PCDH7: variants seen among roughly 807,000 people sequenced by gnomAD.
The protein encoded by PCDH7 is protocadherin-7.
A neutral mutation model predicts 58.9 loss-of-function variants in PCDH7; 17 were observed. The ratio of observed to expected loss-of-function variants is 0.29; its 90% confidence interval spans 0.20 to 0.43. The LOEUF (loss-of-function observed/expected upper bound fraction) is 0.43. PCDH7 is among the 20% of genes least tolerant of loss of function. The probability of loss-of-function intolerance (pLI) is 1.00; values close to 1 mark genes in which losing one functional copy is unlikely to be tolerated. For synonymous variants in PCDH7, 664 were observed against 616.4 expected, an observed-to-expected ratio of 1.08 and a Z score of -1.14; for missense variants, 1,274 against 1,441.0, an observed-to-expected ratio of 0.88 and a Z score of 1.88.
intron 1 of PCDH7, among the ~76,000 whole-genome samples, chr4:30,785,367 A>G (rs113001181): frequency 1.8e-4 from 28 of 152,110 alleles, no homozygotes; most frequent in African/African-American, 6.0e-4. Context: ...ACTTTCTGAA[A>G]CTTACAATTT....
At chr4:30,877,746 T>C (rs1300763795) in intron 1 of PCDH7, among the ~76,000 whole-genome samples, 2 of 152,202 alleles carry the variant, frequency 1.3e-5, no homozygotes, top group Non-Finnish European at 2.9e-5. Flanking sequence ...ATTTCATACA[T>C]ATAGCTTTAG....
intron 1 of PCDH7, among the ~76,000 whole-genome samples, chr4:30,849,149 A>G (rs1732376895): frequency 6.6e-6 from 1 of 152,092 alleles, no homozygotes; most frequent in Non-Finnish European, 1.5e-5. Flanking sequence ...GTCAGTATGG[A>G]AAACTGCCAT....
intron 3 of PCDH7, among the ~76,000 whole-genome samples, chr4:31,142,221 T>G (rs934969222): frequency 6.6e-6 from 1 of 151,958 alleles, no homozygotes; most frequent in African/African-American, 2.4e-5. Flanking sequence ...CATATATCTG[T>G]TTCATCTACA....
intron 2 of PCDH7, among the ~76,000 whole-genome samples, chr4:30,947,510 T>C (rs1252474903): frequency 6.6e-6 from 1 of 152,178 alleles, no homozygotes; most frequent in Non-Finnish European, 1.5e-5. Context: ...ATACATCAAA[T>C]GTATATTTCC....
chr4:31,093,849 A>C (rs1334880707), intron 3 of PCDH7, among the ~76,000 whole-genome samples: 1 of 152,098 alleles, frequency 6.6e-6, no homozygotes, highest in Non-Finnish European at 1.5e-5. Flanking sequence ...GCCTACTGTA[A>C]ATAAAATAAA....
chr4:30,899,686 TA>T (rs1306514724), intron 1 of PCDH7, among the ~76,000 whole-genome samples: 1 of 152,190 alleles, frequency 6.6e-6, no homozygotes, highest in African/African-American at 2.4e-5. Context: ...ACTATCCTTA[TA>T]GAATAGGAAC....
intron 3 of PCDH7, among the ~76,000 whole-genome samples, chr4:30,955,136 T>A (rs76948216): frequency 1.3e-5 from 2 of 152,096 alleles, no homozygotes; most frequent in African/African-American, 4.8e-5. Context: ...TTGTTTGAGG[T>A]ATACACAGAT....
intron 1 of PCDH7, among the ~76,000 whole-genome samples, chr4:30,755,067 C>A (rs1393062433): frequency 1.3e-5 from 2 of 152,066 alleles, no homozygotes; most frequent in African/African-American, 4.8e-5. Context: ...CATACAGTGG[C>A]TAAGATGTAG....
chr4:30,914,740 G>A (rs1045040460), intron 1 of PCDH7, among the ~76,000 whole-genome samples: 1 of 152,138 alleles, frequency 6.6e-6, no homozygotes, highest in Admixed American at 6.5e-5. Context: ...GGGAGCTTAA[G>A]GCTCTTTTTA....
chr4:31,143,921 T>G (rs1720511223), downstream of PCDH7: 2 of 152,184 alleles, frequency 1.3e-5, no homozygotes, highest in Admixed American at 1.3e-4. Flanking sequence ...GGCAATTGGT[T>G]GAGGTTCAAG....
intron 3 of PCDH7, among the ~76,000 whole-genome samples, chr4:31,080,548 A>G (rs896036968): frequency 1.3e-5 from 2 of 152,170 alleles, no homozygotes; most frequent in African/African-American, 4.8e-5. Flanking sequence ...GACTTACTAT[A>G]AAATAAATGA....
chr4:30,755,979 T>C (rs952433843), intron 1 of PCDH7, among the ~76,000 whole-genome samples: 10 of 152,062 alleles, frequency 6.6e-5, no homozygotes, highest in Admixed American at 5.9e-4. Context: ...CTCAGGAGGC[T>C]GAGGCAGGAG....
At chr4:31,066,040 T>A (rs1758060864) in intron 3 of PCDH7, among the ~76,000 whole-genome samples, 1 of 151,856 alleles carries the variant, frequency 6.6e-6, no homozygotes. Context: ...CATATATAAG[T>A]GTTCCTTCTA....
intron 3 of PCDH7, among the ~76,000 whole-genome samples, chr4:31,075,620 G>A (rs1758918408): frequency 6.6e-6 from 1 of 152,116 alleles, no homozygotes; most frequent in Admixed American, 6.5e-5. Flanking sequence ...CTCAAGACAT[G>A]GGCCTAGCTT....
At chr4:31,092,328 GA>G (rs1331509964) in intron 3 of PCDH7, among the ~76,000 whole-genome samples, 1 of 151,892 alleles carries the variant, frequency 6.6e-6, no homozygotes, top group Non-Finnish European at 1.5e-5. Flanking sequence ...GTTGGGGAAG[GA>G]AAAACTGAGG....
At chr4:30,974,246 C>CCTTTCCTTTCCT (rs1553921639) in intron 3 of PCDH7, among the ~76,000 whole-genome samples, 10 of 129,354 alleles carry the variant, frequency 7.7e-5, no homozygotes, top group African/African-American at 2.7e-4. Flanking sequence ...TTCTTTCTTT[C>CCTTTCCTTTCCT]TTCCTTTCCT....
chr4:30,938,144 T>A (rs1745578293), intron 2 of PCDH7, among the ~76,000 whole-genome samples: 1 of 152,146 alleles, frequency 6.6e-6, no homozygotes, highest in Non-Finnish European at 1.5e-5. Flanking sequence ...TGTATGCCTC[T>A]GAGCTCTTTT....
At chr4:31,093,887 T>C (rs1713596569) in intron 3 of PCDH7, among the ~76,000 whole-genome samples, 1 of 152,134 alleles carries the variant, frequency 6.6e-6, no homozygotes, top group African/African-American at 2.4e-5. Context: ...AGAAGTTGAT[T>C]ATAAATTTTT....
intron 1 of PCDH7, among the ~76,000 whole-genome samples, chr4:30,873,762 A>T (rs1412311548): frequency 1.3e-5 from 2 of 152,016 alleles, no homozygotes; most frequent in African/African-American, 4.8e-5. Context: ...CCTGACACTA[A>T]TTTGGATAAA....
Sources: gnomAD v4.1 joint callset for allele counts (sites outside exome capture counted in the v4.1 genomes callset) on GRCh38, gnomAD v4.1.1 for gene constraint, MANE v1.5 for transcripts, NCBI Gene and HGNC (gene_info 2026-07-23, HGNC 2026-07-21) for gene names.